Variants in SLC4A4 observed in about 807,000 individuals in gnomAD.
SLC4A4 encodes the protein electrogenic sodium bicarbonate cotransporter 1.
In SLC4A4, 27 loss-of-function variants were observed where a neutral mutation model predicts 111.5. The observed-to-expected ratio is 0.24, with a 90% CI of 0.18 to 0.33. The LOEUF is 0.33. Among genes scored for constraint, SLC4A4 ranks in the 10% least tolerant of loss-of-function variants. The pLI is 1.00. For missense variants in SLC4A4, 909 were observed against 1,315.5 expected (o/e 0.69, Z 4.78); for synonymous variants, 443 against 463.4 (o/e 0.96, Z 0.57).
chr4:71,357,269 AC>A, intron 6 of SLC4A4, 82 bp downstream of exon 6: 1 of 1,382,812 alleles, frequency 7.2e-7, no homozygotes, highest in Non-Finnish European at 1.0e-6. Flanking sequence ...CTTTGTTTTA[AC>A]CCTTCTCCAT....
chr4:71,143,977 T>C (rs1744087316), intron 2 of SLC4A4, among the ~76,000 whole-genome samples: 2 of 152,208 alleles, frequency 1.3e-5, no homozygotes, highest in South Asian at 4.1e-4. Context: ...AATGTTGGCT[T>C]TTGTTGCCAT....
intron 11 of SLC4A4, among the ~76,000 whole-genome samples, chr4:71,451,686 C>A (rs1725777823): frequency 6.6e-6 from 1 of 151,910 alleles, no homozygotes; most frequent in Non-Finnish European, 1.5e-5. Context: ...GGAGACAGAC[C>A]AGGTGGGTGT....
intron 2 of SLC4A4, among the ~76,000 whole-genome samples, chr4:71,164,380 C>CAAAAA (rs766735805): frequency 1.5e-5 from 1 of 65,078 alleles, no homozygotes; most frequent in African/African-American, 5.3e-5. Flanking sequence ...ACTCTGTCTC[C>CAAAAA]AAAAAAAAAA....
chr4:71,250,953 A>G (rs1266667157), intron 2 of SLC4A4, among the ~76,000 whole-genome samples: 1 of 152,140 alleles, frequency 6.6e-6, no homozygotes, highest in Non-Finnish European at 1.5e-5. Context: ...TAGGAGCAGG[A>G]TTGCATGAGG....
At chr4:71,147,784 C>T (rs138181188) in intron 2 of SLC4A4, among the ~76,000 whole-genome samples, 5 of 152,166 alleles carry the variant, frequency 3.3e-5, no homozygotes, top group South Asian at 2.1e-4. Context: ...TGCATTGTTG[C>T]CAGAAAAATA....
intron 4 of SLC4A4, among the ~76,000 whole-genome samples, chr4:71,349,042 AC>A (rs1729581671): frequency 6.6e-6 from 1 of 152,206 alleles, no homozygotes; most frequent in Non-Finnish European, 1.5e-5. Flanking sequence ...TTTTCCTTTA[AC>A]AGTGTAGGAA....
In SLC4A4 at chr4:71,133,516, C is replaced by T. The variant is rs1578510622; in HGVS notation, c.-2+40724C>T. Reference sequence around the variant, plus strand: ...CCCAGGTTCTTCTCTGTGTGGCCAGCGTGGGCTTCCTTACAGCAAAGTGGT... The same window carrying T: ...CCCAGGTTCTTCTCTGTGTGGCCAGTGTGGGCTTCCTTACAGCAAAGTGGT... On this transcript the variant is annotated intron_variant, in intron 2 of 26. Coordinates refer to the SLC4A4 transcript ENST00000649996. Among the ~76,000 whole-genome samples, 8 of 152,282 alleles carry T rather than the reference C, an allele frequency of 5.3e-5. 1 individual carries two copies. The highest frequency in any genetic ancestry group is 2.4e-5 in the African/African-American group (1 of 41,564).
chr4:71,068,061 C>CTTTTTTTTTTTTTTTTTTTTTTTTT lies in SLC4A4; in HGVS notation c.-65+5273_-65+5274insTTTTTTTTTTTTTTTTTTTTTTTTT, dbSNP rs138059694. Among the ~76,000 whole-genome samples, 3 of 132,374 alleles carry CTTTTTTTTTTTTTTTTTTTTTTTTT rather than the reference C, an allele frequency of 2.3e-5. 1 individual carries two copies. The highest frequency in any genetic ancestry group is 3.1e-5 in the Non-Finnish European group (2 of 63,954). The allele number at this position is 132,374 out of a possible 152,430, so 86.8% of individuals were successfully genotyped here. A position where few individuals can be genotyped will look rare whatever the true frequency, so the allele number is the denominator to read the frequency against. On this transcript the variant is annotated intron_variant, in intron 1 of 26. Transcript: ENST00000649996. ...ACTGCATATGGCCTTTTTGAACAAA[C>CTTTTTTTTTTTTTTTTTTTTTTTTT]GTTTTTTTTTTTTTTTTTTTGAGAT...
upstream of SLC4A4, among the ~76,000 whole-genome samples, chr4:71,186,518 A>C (rs1243278442): frequency 6.6e-6 from 1 of 152,118 alleles, no homozygotes; most frequent in African/African-American, 2.4e-5. Flanking sequence ...GGAACCTGGG[A>C]GGCAAGAGCG....
intron 14 of SLC4A4, among the ~76,000 whole-genome samples, chr4:71,484,092 G>A (rs1729144025): frequency 6.6e-6 from 1 of 151,886 alleles, no homozygotes. Context: ...CAGATGCATA[G>A]TTTGCAAAAA....
At chr4:71,292,834 TTTTTTTTG>T (rs1430691628) in intron 3 of SLC4A4, among the ~76,000 whole-genome samples, 8 of 134,206 alleles carry the variant, frequency 6.0e-5, no homozygotes, top group Admixed American at 4.6e-4. Flanking sequence ...TTACTTTTGG[TTTTTTTTG>T]TTTTTTTTTT....
intron 20 of SLC4A4, among the ~76,000 whole-genome samples, chr4:71,554,573 C>T (rs1375637678): frequency 2.0e-5 from 3 of 151,796 alleles, no homozygotes; most frequent in African/African-American, 7.3e-5. Flanking sequence ...GCTCCAAGGT[C>T]CTTTCAAGCA....
At chr4:71,194,134 A>G (rs1326450386) in intron 1 of SLC4A4, among the ~76,000 whole-genome samples, 1 of 152,206 alleles carries the variant, frequency 6.6e-6, no homozygotes, top group Non-Finnish European at 1.5e-5. Flanking sequence ...TTGAACATCT[A>G]GCTCTCTTAC....
intron 7 of SLC4A4, among the ~76,000 whole-genome samples, chr4:71,433,209 A>G (rs2149044500): frequency 6.6e-6 from 1 of 151,634 alleles, no homozygotes; most frequent in East Asian, 1.9e-4. Context: ...CACTGCAAAA[A>G]TAAGTCCTCA....
At chr4:71,169,955 C>A (rs1744890263) in intron 2 of SLC4A4, among the ~76,000 whole-genome samples, 1 of 152,198 alleles carries the variant, frequency 6.6e-6, no homozygotes, top group Non-Finnish European at 1.5e-5. Context: ...CATCACTACT[C>A]TCTCTGCTCA....
intron 16 of SLC4A4, among the ~76,000 whole-genome samples, chr4:71,519,072 G>A (rs867632053): frequency 6.6e-6 from 1 of 152,242 alleles, no homozygotes; most frequent in African/African-American, 2.4e-5. Context: ...CTTCTTCAAT[G>A]TGTCTTTTCT....
intron 3 of SLC4A4, among the ~76,000 whole-genome samples, chr4:71,272,423 T>C (rs574168413): frequency 6.6e-6 from 1 of 152,308 alleles, no homozygotes; most frequent in African/African-American, 2.4e-5. Context: ...CTGAAAGACA[T>C]ACAGGTTCTC....
chr4:71,463,072 C>G (rs1223384620), intron 12 of SLC4A4, among the ~76,000 whole-genome samples: 2 of 152,164 alleles, frequency 1.3e-5, no homozygotes, highest in Admixed American at 6.5e-5. Flanking sequence ...GTTGTTTGCT[C>G]TTTCTACTGT....
At chr4:71,380,726 CAGTT>C (rs1235608584) in intron 6 of SLC4A4, among the ~76,000 whole-genome samples, 1 of 152,142 alleles carries the variant, frequency 6.6e-6, no homozygotes, top group Non-Finnish European at 1.5e-5. Flanking sequence ...TGAGGTCACT[CAGTT>C]AGTTGGGGGG....
Sources: allele counts gnomAD v4.1 joint callset (sites outside exome capture counted in the v4.1 genomes callset), GRCh38; gene constraint gnomAD v4.1.1; transcripts MANE v1.5; gene names NCBI Gene and HGNC (gene_info 2026-07-23, HGNC 2026-07-21).